Variants in TNKS observed in about 807,000 individuals in gnomAD.
The protein encoded by TNKS is poly [ADP-ribose] polymerase tankyrase-1.
In TNKS, 72 loss-of-function variants were observed where a neutral mutation model predicts 135.8. The ratio of observed to expected loss-of-function variants is 0.53; its 90% CI spans 0.44 to 0.64. The LOEUF (loss-of-function observed/expected upper bound fraction) is 0.64, where lower values mean the gene tolerates loss of function less well. Ranked by LOEUF, TNKS falls within the 30% of genes least tolerant of loss-of-function variation. The probability of loss-of-function intolerance (pLI) is 0.00; values close to 1 mark genes in which losing one functional copy is unlikely to be tolerated. For synonymous variants in TNKS, 849 were observed against 649.3 expected (o/e 1.31, Z -4.68); for missense variants, 1,769 against 1,674.0 (o/e 1.06, Z -0.99).
chr8:9,618,718 AC>A (rs2128766763), intron 3 of TNKS, among the ~76,000 whole-genome samples: 1 of 152,320 alleles, frequency 6.6e-6, no homozygotes, highest in Non-Finnish European at 1.5e-5. Flanking sequence ...TAAAAGAAAT[AC>A]ATTCATTTGG....
At position 9,751,609 on chromosome 8, in the gene TNKS, G is replaced by A; in HGVS notation, c.2833G>A (p.Ala945Thr). ...EGQTPLDLAT[A>T]DDIRALLIDA... ...TTTTTGTTTTTAATCATTTTTTTAG[G>A]CTGACGATATCAGAGCTTTGCTGAT... is the stretch of plus-strand genomic sequence containing the variant. The change falls in exon 19 of 27, where the codon GCT becomes ACT. Residue 945 changes from alanine (A) to threonine (T), a missense_variant and splice_region_variant. This residue lies in a region of TNKS where 722 missense variants were observed against 688.9 expected (regional missense o/e 1.05). Coordinates refer to ENST00000310430, the MANE Select transcript of TNKS (RefSeq NM_003747.3). The A allele has an allele frequency of 6.2e-7, 1 of 1,607,568 alleles. No individual in the cohort carries two copies. Among genetic ancestry groups the A allele is most frequent in the African/African-American group, 1.3e-5 (1 of 74,694 alleles).
Position 9,556,026 on chromosome 8 carries a change from G to A in TNKS, c.87G>A (p.Pro29=), listed in dbSNP as rs2129048172. 1.2e-6 allele frequency: 2 copies of A among 1,612,098 alleles called. No individual in the cohort carries two copies. Residue 29 remains proline, a synonymous_variant, in exon 1 of 27, where the codon CCG becomes CCA. Transcript: ENST00000310430. Reference sequence around the variant, plus strand: ...CCCCAGGGGCTTCAGCGCCGCCGCCGCCACCTCCTCCCCCACTCAGCCCTG... The same window carrying A: ...CCCCAGGGGCTTCAGCGCCGCCGCCACCACCTCCTCCCCCACTCAGCCCTG... ...QPAPGASAPP[P]PPPPPLSPGL...
Position 9,556,602 on chromosome 8 carries a change from C to T in TNKS, c.663C>T (p.His221=), listed in dbSNP as rs763048915. 2 of 1,613,464 alleles carry T rather than the reference C, an allele frequency of 1.2e-6. No individual in the cohort carries two copies. The highest frequency in any genetic ancestry group is 8.5e-7 in the Non-Finnish European group (1 of 1,180,044). The change falls in exon 1 of 27, where the codon CAC becomes CAT. Residue 221 remains histidine (H), a synonymous_variant. Coordinates refer to ENST00000310430, the MANE Select transcript of TNKS (RefSeq NM_003747.3). ...CCGGCCGGAAGTCTTCTCCCCTGCA[C>T]TTCGCTGCAGGTCAGAGACTTTTGA... ...DMAGRKSSPL[H]FAAGFGRKDV...
chr8:9,574,557 G>C (rs1372392647), intron 1 of TNKS, among the ~76,000 whole-genome samples: 5 of 152,128 alleles, frequency 3.3e-5, no homozygotes, highest in African/African-American at 1.2e-4. Context: ...ATAGAATCAA[G>C]TAATTTCCCT....
chr8:9,753,457 T>C (rs1021436883), intron 20 of TNKS, among the ~76,000 whole-genome samples: 5 of 152,238 alleles, frequency 3.3e-5, no homozygotes, highest in Non-Finnish European at 7.3e-5. Flanking sequence ...GGATCCATCT[T>C]AAATGTCTGT....
chr8:9,579,122 C>T (rs1286167002), intron 1 of TNKS, among the ~76,000 whole-genome samples: 1 of 152,130 alleles, frequency 6.6e-6, no homozygotes, highest in Non-Finnish European at 1.5e-5. Context: ...TTCTGACTCC[C>T]CCTAAACCCC....
At chr8:9,656,505 C>A (rs1295629663) in intron 3 of TNKS, among the ~76,000 whole-genome samples, 1 of 152,066 alleles carries the variant, frequency 6.6e-6, no homozygotes, top group East Asian at 1.9e-4. Flanking sequence ...GTCGGGTTAC[C>A]CACAAAGGGA....
intron 2 of TNKS, among the ~76,000 whole-genome samples, chr8:9,607,779 A>G (rs1045714237): frequency 6.6e-6 from 1 of 152,214 alleles, no homozygotes; most frequent in Non-Finnish European, 1.5e-5. Context: ...CACAGAGAAT[A>G]TTTTAAAGAA....
chr8:9,735,178 G>A (rs2128819524), intron 16 of TNKS, 94 bp downstream of exon 16: 1 of 1,285,738 alleles, frequency 7.8e-7, no homozygotes, highest in Non-Finnish European at 1.1e-6. Flanking sequence ...ACACAAATGG[G>A]ACTACTTAGT....
intron 2 of TNKS, among the ~76,000 whole-genome samples, chr8:9,602,829 T>C (rs887260502): frequency 3.9e-5 from 6 of 152,230 alleles, no homozygotes; most frequent in Non-Finnish European, 8.8e-5. Context: ...TCTAAAACAA[T>C]AGTGAGATTT....
At chr8:9,575,058 A>G (rs1324611922) in intron 1 of TNKS, 1 of 985,218 alleles carries the variant, frequency 1.0e-6, no homozygotes, top group Non-Finnish European at 1.2e-6. Context: ...GTCTTGACAA[A>G]TTGTGTGAGA....
At chr8:9,645,607 G>C (rs1033501535) in intron 3 of TNKS, among the ~76,000 whole-genome samples, 1 of 152,082 alleles carries the variant, frequency 6.6e-6, no homozygotes, top group Non-Finnish European at 1.5e-5. Context: ...GGGGGACTAT[G>C]AGGCACATAC....
intron 2 of TNKS, among the ~76,000 whole-genome samples, chr8:9,591,306 G>T (rs895027328): frequency 1.3e-5 from 2 of 152,030 alleles, no homozygotes; most frequent in Non-Finnish European, 2.9e-5. Context: ...TAGTTTTTTT[G>T]TTGTTGTATG....
intron 3 of TNKS, among the ~76,000 whole-genome samples, chr8:9,668,136 A>T (rs1802088183): frequency 6.6e-6 from 1 of 152,230 alleles, no homozygotes. Context: ...GTTGAGGAAA[A>T]ATCATTCGGA....
intron 3 of TNKS, among the ~76,000 whole-genome samples, chr8:9,648,115 C>T (rs187926006): frequency 1.1e-3 from 161 of 152,164 alleles, no homozygotes; most frequent in African/African-American, 3.6e-3. Context: ...CTGGGTGAGT[C>T]CGTGAGTGAG....
At chr8:9,616,996 G>A (rs1799668277) in intron 3 of TNKS, among the ~76,000 whole-genome samples, 1 of 152,172 alleles carries the variant, frequency 6.6e-6, no homozygotes, top group South Asian at 2.1e-4. Flanking sequence ...GGTTATAAAT[G>A]CTGAGCAAGA....
At chr8:9,577,045 G>C (rs1797976479) in intron 1 of TNKS, among the ~76,000 whole-genome samples, 1 of 152,030 alleles carries the variant, frequency 6.6e-6, no homozygotes, top group African/African-American at 2.4e-5. Flanking sequence ...GAGTTCAACT[G>C]TATTCATATA....
chr8:9,718,025 T>TGAC (rs10650058), intron 11 of TNKS, among the ~76,000 whole-genome samples: 1 of 150,910 alleles, frequency 6.6e-6, no homozygotes, highest in African/African-American at 2.4e-5. Flanking sequence ...TCAGAAGTTA[T>TGAC]TAGTTAGTCC....
At position 9,638,798 on chromosome 8, in the gene TNKS, T is replaced by C. The variant is rs191908962; in HGVS notation, c.994+23121T>C. 1.1e-3 allele frequency among the ~76,000 whole-genome samples: 174 copies of C among 152,292 alleles called. 1 individual carries two copies. The highest frequency in any genetic ancestry group is 4.1e-3 in the African/African-American group (169 of 41,568). On this transcript the variant is annotated intron_variant, in intron 3 of 26. Coordinates refer to ENST00000310430, the MANE Select transcript of TNKS (RefSeq NM_003747.3). The stretch of plus-strand genomic sequence containing the variant: ...CATAAGATCCAAAAGGAGACTGGTA[T>C]CTTATTTATAATGGAAAAAAAATAG...
Sources: allele counts gnomAD v4.1 joint callset (sites outside exome capture counted in the v4.1 genomes callset), GRCh38; gene constraint gnomAD v4.1.1; regional missense constraint gnomAD v4.1.1; transcripts MANE v1.5; gene names NCBI Gene and HGNC (gene_info 2026-07-23, HGNC 2026-07-21).